Variants in WWOX observed in about 807,000 individuals in gnomAD.
WWOX encodes the protein WW domain-containing oxidoreductase.
Under a neutral mutation model 46.2 loss-of-function variants are expected in WWOX, and 69 were observed. The observed-to-expected ratio is 1.49, with a 90% confidence interval of 1.23 to 1.82. The LOEUF is 1.82. Among genes scored for constraint, WWOX ranks in the 40% most tolerant of loss-of-function variants. The probability of loss-of-function intolerance (pLI) is 0.00; values close to 1 mark genes in which losing one functional copy is unlikely to be tolerated. For missense variants in WWOX, 919 were observed against 542.6 expected (o/e 1.69, Z -6.89); for synonymous variants, 359 against 202.6 (o/e 1.77, Z -6.56).
chr16:79,011,490 T>C (rs1452915067), intron 8 of WWOX, among the ~76,000 whole-genome samples: 1 of 148,946 alleles, frequency 6.7e-6, no homozygotes, highest in Non-Finnish European at 1.5e-5. Context: ...TTTATTTATT[T>C]ATTTATTTAT....
At chr16:78,620,289 G>A (rs2046144804) in intron 8 of WWOX, among the ~76,000 whole-genome samples, 1 of 152,184 alleles carries the variant, frequency 6.6e-6, no homozygotes, top group African/African-American at 2.4e-5. Context: ...ATTGGCCCAT[G>A]GCTTTCTGCT....
chr16:78,811,430 TCCTC>T (rs1410957072), intron 8 of WWOX, among the ~76,000 whole-genome samples: 1 of 152,024 alleles, frequency 6.6e-6, no homozygotes, highest in Non-Finnish European at 1.5e-5. Context: ...ATCTCCCTCT[TCCTC>T]CCTTTCTTCC....
At chr16:79,071,031 A>G (rs1432149703) in intron 8 of WWOX, among the ~76,000 whole-genome samples, 1 of 152,198 alleles carries the variant, frequency 6.6e-6, no homozygotes, top group Non-Finnish European at 1.5e-5. Flanking sequence ...GATGCAGCCC[A>G]TACGTGAATG....
intron 8 of WWOX, among the ~76,000 whole-genome samples, chr16:79,134,459 C>G (rs1178672067): frequency 6.6e-6 from 1 of 152,214 alleles, no homozygotes; most frequent in Non-Finnish European, 1.5e-5. Context: ...TTGGAGGGAG[C>G]TATGTGCAGA....
At chr16:78,114,283 A>T (rs1294931301) in intron 3 of WWOX, among the ~76,000 whole-genome samples, 1 of 152,044 alleles carries the variant, frequency 6.6e-6, no homozygotes, top group Non-Finnish European at 1.5e-5. Flanking sequence ...TAGTGTTTGT[A>T]GAGATGAGGT....
chr16:79,097,993 C>G (rs2049111719), intron 8 of WWOX, among the ~76,000 whole-genome samples: 2 of 152,140 alleles, frequency 1.3e-5, no homozygotes, highest in African/African-American at 4.8e-5. Flanking sequence ...AAACCATATC[C>G]CAGTGGCCCC....
At chr16:78,725,621 C>G (rs1440611913) in intron 8 of WWOX, among the ~76,000 whole-genome samples, 3 of 151,864 alleles carry the variant, frequency 2.0e-5, no homozygotes, top group Non-Finnish European at 2.9e-5. Context: ...TCAGGTGTGT[C>G]TTTATCAGCA....
At chr16:78,503,381 C>G (rs539236665) in intron 8 of WWOX, among the ~76,000 whole-genome samples, 17 of 152,094 alleles carry the variant, frequency 1.1e-4, no homozygotes, top group African/African-American at 4.1e-4. Context: ...AATACATATG[C>G]TGAAATTCCT....
At chr16:78,958,808 G>A (rs1002540061) in intron 8 of WWOX, among the ~76,000 whole-genome samples, 1 of 152,204 alleles carries the variant, frequency 6.6e-6, no homozygotes, top group Admixed American at 6.5e-5. Flanking sequence ...GGTTGGGGTA[G>A]TGGGCACAGG....
At chr16:79,203,530 G>C (rs1390850408) in intron 8 of WWOX, 1 of 149,812 alleles carries the variant, frequency 6.7e-6, no homozygotes, top group Non-Finnish European at 1.5e-5. Context: ...GCTTTTTCAG[G>C]ACTATGTTAT....
rs117362788 is a variant in WWOX at position 78,349,429 on chromosome 16, A to C, written c.517-37431A>C. 3.8e-3 allele frequency among the ~76,000 whole-genome samples: 465 copies of C among 120,954 alleles called. 108 individuals are homozygous for C. Among genetic ancestry groups the C allele is most frequent in the African/African-American group, 0.013 (451 of 35,700 alleles). 79.4% of individuals were successfully genotyped at this position (120,954 alleles called of 152,430 possible). ...GAGGCTATAACGAATACCACTGCCT[A>C]ATGTTTGCACGGGGATATCATGCTT... On this transcript the variant is annotated intron_variant, in intron 5 of 8. Transcript: ENST00000566780.
chr16:78,836,146 G>T (rs1184216662), intron 8 of WWOX, among the ~76,000 whole-genome samples: 1 of 151,888 alleles, frequency 6.6e-6, no homozygotes, highest in Admixed American at 6.6e-5. Flanking sequence ...CCTCTTCTTT[G>T]TAAGGGTATA....
In WWOX at chr16:79,074,332, G is replaced by GAAGTAAAC. The variant is rs558065359; in HGVS notation, c.1057-137274_1057-137267dup. On this transcript the variant is annotated intron_variant, in intron 8 of 8. Transcript: ENST00000566780. Reference sequence around the variant, plus strand: ...CCCATTTCCCACACTTTAAATGAGAGAAGTAAACATCTGACTTCCTAAAAC... The same window carrying GAAGTAAAC: ...CCCATTTCCCACACTTTAAATGAGAGAAGTAAACAAGTAAACATCTGACTTCCTAAAAC... Among the ~76,000 whole-genome samples the GAAGTAAAC allele has an allele frequency of 1.1e-4, 16 of 143,242 alleles. No homozygotes were observed. The East Asian group carries it at 3.6e-3, about 32-fold the overall frequency. 94.0% of individuals were successfully genotyped at this position (143,242 alleles called of 152,430 possible).
intron 8 of WWOX, among the ~76,000 whole-genome samples, chr16:78,791,484 T>G (rs1294722690): frequency 6.6e-6 from 1 of 152,164 alleles, no homozygotes; most frequent in Non-Finnish European, 1.5e-5. Context: ...GTCAGCACTT[T>G]GCCCTGTCGT....
At chr16:79,043,673 A>G (rs1208079865) in intron 8 of WWOX, among the ~76,000 whole-genome samples, 1 of 152,254 alleles carries the variant, frequency 6.6e-6, no homozygotes, top group Non-Finnish European at 1.5e-5. Flanking sequence ...TGTCATGTAA[A>G]TAGGATCAGG....
intron 8 of WWOX, among the ~76,000 whole-genome samples, chr16:78,610,955 T>A (rs2045886573): frequency 6.6e-6 from 1 of 152,150 alleles, no homozygotes; most frequent in Non-Finnish European, 1.5e-5. Flanking sequence ...AGAGACATGT[T>A]TCTTAACATT....
intron 8 of WWOX, among the ~76,000 whole-genome samples, chr16:78,654,835 T>C (rs1254866988): frequency 6.6e-6 from 1 of 152,110 alleles, no homozygotes; most frequent in African/African-American, 2.4e-5. Flanking sequence ...GATTCTTCAG[T>C]AGGGTCGTAA....
At chr16:78,620,260 T>G (rs531346943) in intron 8 of WWOX, among the ~76,000 whole-genome samples, 8 of 152,314 alleles carry the variant, frequency 5.3e-5, no homozygotes, top group African/African-American at 1.9e-4. Flanking sequence ...GAGGGCTGTT[T>G]GTTAAGGTAC....
intron 8 of WWOX, among the ~76,000 whole-genome samples, chr16:78,557,845 A>C (rs577085969): frequency 6.6e-6 from 1 of 151,724 alleles, no homozygotes; most frequent in African/African-American, 2.4e-5. Flanking sequence ...ATAGTCACCT[A>C]CCACCATACC....
Sources: gnomAD v4.1 joint callset for allele counts (sites outside exome capture counted in the v4.1 genomes callset) on GRCh38, gnomAD v4.1.1 for gene constraint, MANE v1.5 for transcripts, NCBI Gene and HGNC (gene_info 2026-07-23, HGNC 2026-07-21) for gene names.